KHDRBS3: variants seen among roughly 807,000 people sequenced by gnomAD.
The protein encoded by KHDRBS3 is KH domain-containing, RNA-binding, signal transduction-associated protein 3.
In KHDRBS3, 23 loss-of-function variants were observed where a neutral mutation model predicts 45.6. The ratio of observed to expected loss-of-function variants is 0.50; its 90% confidence interval spans 0.36 to 0.72. The LOEUF (loss-of-function observed/expected upper bound fraction) is 0.72. KHDRBS3 is among the 30% of genes least tolerant of loss of function. KHDRBS3 has a pLI of 0.00. For missense variants in KHDRBS3, 352 were observed against 424.8 expected (o/e 0.83, Z 1.51); for synonymous variants, 162 against 156.5 (o/e 1.04, Z -0.26).
At chr8:135,476,694 T>A (rs563116839) in intron 1 of KHDRBS3, among the ~76,000 whole-genome samples, 54 of 152,318 alleles carry the variant, frequency 3.5e-4, no homozygotes, top group Middle Eastern at 3.4e-3. Flanking sequence ...CTCTCAAGGT[T>A]ATGTAGTATG....
At chr8:135,497,452 G>A (rs1422167106) in intron 1 of KHDRBS3, among the ~76,000 whole-genome samples, 2 of 152,078 alleles carry the variant, frequency 1.3e-5, no homozygotes, top group East Asian at 1.9e-4. Flanking sequence ...GGGTTTGTAA[G>A]TGTTTCTTTT....
In KHDRBS3 at chr8:135,485,265, G is replaced by C. The variant is rs148811322; in HGVS notation, c.88+27311G>C. Among the ~76,000 whole-genome samples, 327 of 152,276 alleles carry C rather than the reference G, an allele frequency of 2.1e-3. 2 individuals are homozygous for C. The highest frequency in any genetic ancestry group is 1.1e-3 in the Non-Finnish European group (76 of 68,028). On this transcript the variant is annotated intron_variant, in intron 1 of 8. Transcript: ENST00000355849. ...AAGGAGACATTCAATGAAAGATATT[G>C]AATGAATGAATATTGAAAGTGCTCT...
At chr8:135,514,018 T>G (rs1824440294) in intron 1 of KHDRBS3, among the ~76,000 whole-genome samples, 1 of 152,222 alleles carries the variant, frequency 6.6e-6, no homozygotes, top group Non-Finnish European at 1.5e-5. Context: ...TCACACAAAA[T>G]TCCTTCAGCC....
At chr8:135,468,641 TG>T (rs1821824014) in intron 1 of KHDRBS3, among the ~76,000 whole-genome samples, 1 of 152,228 alleles carries the variant, frequency 6.6e-6, no homozygotes, top group African/African-American at 2.4e-5. Context: ...CAGTGTGCCA[TG>T]GGCTGTGGTC....
chr8:135,573,607 AT>A (rs1357948511), intron 5 of KHDRBS3, among the ~76,000 whole-genome samples: 3 of 152,264 alleles, frequency 2.0e-5, no homozygotes, highest in African/African-American at 7.2e-5. Flanking sequence ...ACAGAACTGC[AT>A]TTGAGTATTA....
At chr8:135,477,841 C>G (rs573318717) in intron 1 of KHDRBS3, among the ~76,000 whole-genome samples, 1 of 152,268 alleles carries the variant, frequency 6.6e-6, no homozygotes, top group East Asian at 1.9e-4. Flanking sequence ...TGGCCATAAG[C>G]CATGGATGCT....
intron 6 of KHDRBS3, among the ~76,000 whole-genome samples, chr8:135,588,604 C>T (rs931943710): frequency 6.6e-5 from 10 of 152,224 alleles, no homozygotes; most frequent in East Asian, 1.9e-4. Flanking sequence ...TCCTTAGGGG[C>T]TTTCTGGAAG....
rs4243844 is a variant in KHDRBS3, at chr8:135,529,996, G to C, written c.207+8641G>C. 4.2e-3 allele frequency among the ~76,000 whole-genome samples: 631 copies of C among 151,222 alleles called. 2 individuals are homozygous for C. The highest frequency in any genetic ancestry group is 9.1e-3 in the Admixed American group (138 of 15,208). ...AAACCCGGGAGGTGGAGCTTGCAGT[G>C]AGCCGAGATCGTGCCACTGCACTCC... On this transcript the variant is annotated intron_variant, in intron 2 of 8. Coordinates refer to ENST00000355849, the MANE Select transcript of KHDRBS3 (RefSeq NM_006558.3).
chr8:135,522,790 G>T (rs1431266988), intron 2 of KHDRBS3, among the ~76,000 whole-genome samples: 1 of 152,092 alleles, frequency 6.6e-6, no homozygotes, highest in African/African-American at 2.4e-5. Flanking sequence ...TGTTATTGTA[G>T]CTTTTACTTT....
intron 3 of KHDRBS3, among the ~76,000 whole-genome samples, chr8:135,548,020 T>TA (rs750336014): frequency 1.3e-5 from 2 of 152,208 alleles, no homozygotes; most frequent in South Asian, 4.1e-4. Flanking sequence ...TAAAATAACG[T>TA]AATAAAGTCT....
At chr8:135,532,952 G>A (rs570050211) in intron 2 of KHDRBS3, among the ~76,000 whole-genome samples, 15 of 152,218 alleles carry the variant, frequency 9.9e-5, no homozygotes, top group Non-Finnish European at 1.9e-4. Flanking sequence ...GCTAGATGTG[G>A]GTCTGAAGTA....
At chr8:135,645,908 C>T (rs147816922) in intron 8 of KHDRBS3, among the ~76,000 whole-genome samples, 113 of 150,930 alleles carry the variant, frequency 7.5e-4, no homozygotes, top group Non-Finnish European at 9.6e-4. Flanking sequence ...CTTAACAGAA[C>T]GGAAAAACCA....
intron 7 of KHDRBS3, among the ~76,000 whole-genome samples, chr8:135,633,372 A>G (rs1449842380): frequency 6.6e-6 from 1 of 152,224 alleles, no homozygotes; most frequent in Non-Finnish European, 1.5e-5. Context: ...TGATGCAGAG[A>G]TAATTAACAA....
intron 1 of KHDRBS3, among the ~76,000 whole-genome samples, chr8:135,496,047 C>G (rs1320698857): frequency 6.7e-6 from 1 of 150,328 alleles, no homozygotes; most frequent in Non-Finnish European, 1.5e-5. Flanking sequence ...TGCAGATGAG[C>G]CAAGGGCTGT....
intron 7 of KHDRBS3, among the ~76,000 whole-genome samples, chr8:135,641,226 T>C (rs1831044462): frequency 6.6e-6 from 1 of 152,222 alleles, no homozygotes. Context: ...ATTTCCAGTC[T>C]ATGCTCATGT....
chr8:135,588,164 C>T (rs758527519), intron 6 of KHDRBS3, among the ~76,000 whole-genome samples: 1 of 152,176 alleles, frequency 6.6e-6, no homozygotes, highest in Non-Finnish European at 1.5e-5. Context: ...TTGTGTCAGA[C>T]TTGGATGGAA....
intron 1 of KHDRBS3, among the ~76,000 whole-genome samples, chr8:135,487,622 A>T (rs1027290356): frequency 6.6e-6 from 1 of 152,232 alleles, no homozygotes; most frequent in African/African-American, 2.4e-5. Flanking sequence ...GAGTTTTCAC[A>T]GGAATGGTAC....
chr8:135,529,634 T>G (rs1036320701), intron 2 of KHDRBS3, among the ~76,000 whole-genome samples: 1 of 152,182 alleles, frequency 6.6e-6, no homozygotes, highest in Non-Finnish European at 1.5e-5. Context: ...TGGTGTTATT[T>G]TCCTGAGCCA....
intron 7 of KHDRBS3, among the ~76,000 whole-genome samples, chr8:135,618,749 T>A (rs1199044839): frequency 6.6e-6 from 1 of 152,202 alleles, no homozygotes; most frequent in African/African-American, 2.4e-5. Context: ...CAGGCCGACC[T>A]GACCTTTCCA....
Sources: allele counts gnomAD v4.1 joint callset (sites outside exome capture counted in the v4.1 genomes callset), GRCh38; gene constraint gnomAD v4.1.1; transcripts MANE v1.5; gene names NCBI Gene and HGNC (gene_info 2026-07-23, HGNC 2026-07-21).